Variants in NCOA2 observed in about 807,000 individuals in gnomAD.
NCOA2 encodes the protein nuclear receptor coactivator 2.
In NCOA2, 21 loss-of-function variants were observed where a neutral mutation model predicts 145.1. The ratio of observed to expected loss-of-function variants is 0.14; its 90% CI spans 0.10 to 0.21. The LOEUF (loss-of-function observed/expected upper bound fraction) is 0.21, where lower values mean the gene tolerates loss of function less well. Ranked by LOEUF, NCOA2 falls within the 10% of genes least tolerant of loss-of-function variation. The probability of loss-of-function intolerance (pLI) is 1.00; values close to 1 mark genes in which losing one functional copy is unlikely to be tolerated. For missense variants in NCOA2, 1,472 were observed against 1,837.6 expected (o/e 0.80, Z 3.64); for synonymous variants, 619 against 637.5 (o/e 0.97, Z 0.44).
intron 1 of NCOA2, among the ~76,000 whole-genome samples, chr8:70,384,682 A>G (rs1472976687): frequency 1.3e-5 from 2 of 152,204 alleles, no homozygotes; most frequent in African/African-American, 2.4e-5. Flanking sequence ...TTTTTAAAAT[A>G]ACCCCCAAAT....
upstream of NCOA2, among the ~76,000 whole-genome samples, chr8:70,404,316 G>A (rs1814659925): frequency 6.6e-6 from 1 of 152,262 alleles, no homozygotes; most frequent in African/African-American, 2.4e-5. Context: ...CGCTGAGTTA[G>A]AGGCAGTGGG....
intron 2 of NCOA2, among the ~76,000 whole-genome samples, chr8:70,274,685 A>C (rs1345023950): frequency 1.3e-5 from 2 of 152,232 alleles, no homozygotes. Flanking sequence ...CATATTTAGC[A>C]AAATGATTTT....
intron 8 of NCOA2, among the ~76,000 whole-genome samples, chr8:70,163,239 T>C (rs1472028411): frequency 1.3e-5 from 2 of 152,064 alleles, no homozygotes; most frequent in African/African-American, 2.4e-5. Context: ...TTTAACAAGA[T>C]TTAAATGTAT....
chr8:70,230,591 G>T (rs891350427), intron 2 of NCOA2, among the ~76,000 whole-genome samples: 1 of 152,144 alleles, frequency 6.6e-6, no homozygotes, highest in Non-Finnish European at 1.5e-5. Context: ...ACACACTGGG[G>T]ATTACTATGA....
At chr8:70,335,060 T>C (rs915868895) in intron 1 of NCOA2, among the ~76,000 whole-genome samples, 4 of 131,488 alleles carry the variant, frequency 3.0e-5, no homozygotes, top group Non-Finnish European at 4.6e-5. Context: ...GAGGTGGAGG[T>C]TGCAGTGAGC....
intron 2 of NCOA2, among the ~76,000 whole-genome samples, chr8:70,223,772 C>T (rs902979802): frequency 6.6e-6 from 1 of 152,176 alleles, no homozygotes; most frequent in Non-Finnish European, 1.5e-5. Flanking sequence ...CAAGGCCACA[C>T]AGGAAGTCTT....
At chr8:70,301,472 A>G (rs753162778) in intron 1 of NCOA2, among the ~76,000 whole-genome samples, 2 of 151,690 alleles carry the variant, frequency 1.3e-5, no homozygotes, top group Non-Finnish European at 2.9e-5. Flanking sequence ...TGGGGCAACA[A>G]GGTAAAACCC....
chr8:70,233,132 A>G (rs1210740507), intron 2 of NCOA2, among the ~76,000 whole-genome samples: 1 of 151,990 alleles, frequency 6.6e-6, no homozygotes, highest in Non-Finnish European at 1.5e-5. Context: ...AGGCTGAGGC[A>G]GGAGAATCGC....
At chr8:70,359,950 A>G (rs987664564) in intron 1 of NCOA2, among the ~76,000 whole-genome samples, 6 of 152,180 alleles carry the variant, frequency 3.9e-5, no homozygotes, top group African/African-American at 1.2e-4. Context: ...TCCCAGTTCC[A>G]TCTTTGATAT....
In NCOA2 at chr8:70,156,401, G is replaced by A. The variant is rs576207905; in HGVS notation, c.1964C>T (p.Ser655Leu). The A allele has an allele frequency of 3.7e-5, 59 of 1,613,982 alleles. No individual in the cohort carries two copies. The East Asian group carries it at 5.6e-4, about 15-fold the overall frequency. Residue 655 changes from serine (S) to leucine (L), a missense_variant, in exon 11 of 23, where the codon TCG becomes TTG. Ser to Leu is a moderately radical substitution (Grantham distance 145, BLOSUM62 -2). This residue lies in a region of NCOA2 where 953 missense variants were observed against 1,062.1 expected (regional missense o/e 0.90). Transcript: ENST00000452400. ...LTTKSDQMEPSPLASSLSDTN... is the reference protein window; with the variant it reads ...LTTKSDQMEPLPLASSLSDTN... ...ATCCGACAAAGAGCTGGCTAAGGGC[G>A]AGGGCTCCATCTGATCAGATTTGGT...
intron 4 of NCOA2, among the ~76,000 whole-genome samples, chr8:70,184,291 A>C (rs975877196): frequency 1.3e-5 from 2 of 152,168 alleles, no homozygotes; most frequent in African/African-American, 2.4e-5. Context: ...GTTACAACCT[A>C]CTTTACAAAA....
At chr8:70,353,209 C>CTTAA (rs1389450244) in intron 1 of NCOA2, among the ~76,000 whole-genome samples, 1 of 151,652 alleles carries the variant, frequency 6.6e-6, no homozygotes, top group African/African-American at 2.4e-5. Flanking sequence ...AACCAACCAC[C>CTTAA]TTAAGATATT....
chr8:70,290,711 CTT>C (rs935443404), intron 2 of NCOA2, among the ~76,000 whole-genome samples: 1 of 151,882 alleles, frequency 6.6e-6, no homozygotes, highest in Non-Finnish European at 1.5e-5. Flanking sequence ...ATAAAAAAAA[CTT>C]AATTGCATGG....
At chr8:70,358,923 G>C (rs1383089421) in intron 1 of NCOA2, among the ~76,000 whole-genome samples, 1 of 152,108 alleles carries the variant, frequency 6.6e-6, no homozygotes, top group Non-Finnish European at 1.5e-5. Flanking sequence ...CAAAGGACCT[G>C]AACAGACATT....
intron 1 of NCOA2, among the ~76,000 whole-genome samples, chr8:70,301,160 C>T (rs1334523779): frequency 6.6e-6 from 1 of 152,180 alleles, no homozygotes; most frequent in Non-Finnish European, 1.5e-5. Flanking sequence ...TGTGACCAAC[C>T]TGAAAACTGC....
At chr8:70,437,832 C>T in the NCOA2 span, among the ~76,000 whole-genome samples, 1 of 152,112 alleles carries the variant, frequency 6.6e-6, no homozygotes, top group Non-Finnish European at 1.5e-5. Flanking sequence ...GACATTTGCT[C>T]ATGGATATTG....
chr8:70,178,441 A>C (rs1381206471), intron 4 of NCOA2, among the ~76,000 whole-genome samples: 1 of 152,224 alleles, frequency 6.6e-6, no homozygotes, highest in East Asian at 1.9e-4. Context: ...AATATTTAAG[A>C]GGAAGAAAGC....
At chr8:70,415,595 T>A in the NCOA2 span, among the ~76,000 whole-genome samples, 2 of 152,122 alleles carry the variant, frequency 1.3e-5, no homozygotes, top group Non-Finnish European at 2.9e-5. Flanking sequence ...CCTACTGAAG[T>A]AATTGTGGGC....
chr8:70,129,899 A>C (rs1808892947), intron 16 of NCOA2, among the ~76,000 whole-genome samples: 2 of 152,128 alleles, frequency 1.3e-5, no homozygotes. Context: ...CGAACTCCCA[A>C]CCTCAGGTGA....
Sources: gnomAD v4.1 joint callset for allele counts (sites outside exome capture counted in the v4.1 genomes callset) on GRCh38, gnomAD v4.1.1 for gene constraint, gnomAD v4.1.1 regional missense constraint, MANE v1.5 for transcripts, NCBI Gene and HGNC (gene_info 2026-07-23, HGNC 2026-07-21) for gene names.